Variants in FGD5 observed in about 807,000 individuals in gnomAD.
FGD5 encodes FYVE, RhoGEF and PH domain-containing protein 5.
Under a neutral mutation model 133.4 loss-of-function variants are expected in FGD5, and 28 were observed. That is an observed-to-expected ratio of 0.21 (90% confidence interval 0.16 to 0.29). The LOEUF (loss-of-function observed/expected upper bound fraction) is 0.29, where lower values mean the gene tolerates loss of function less well. Among genes scored for constraint, FGD5 ranks in the 10% least tolerant of loss-of-function variants. FGD5 has a pLI of 1.00. For missense variants in FGD5, 1,858 were observed against 1,895.2 expected, an observed-to-expected ratio of 0.98 and a Z score of 0.36; for synonymous variants, 810 against 776.5, an observed-to-expected ratio of 1.04 and a Z score of -0.72.
chr3:14,860,808 T>TTA (rs1553626006), intron 1 of FGD5, among the ~76,000 whole-genome samples: 1 of 148,202 alleles, frequency 6.7e-6, no homozygotes, highest in Non-Finnish European at 1.5e-5. Context: ...ACCCCTTTTT[T>TTA]AAAAAAAAAA....
intron 11 of FGD5, among the ~76,000 whole-genome samples, chr3:14,916,775 T>A (rs1273208825): frequency 1.3e-5 from 2 of 152,232 alleles, no homozygotes; most frequent in South Asian, 2.1e-4. Flanking sequence ...TAGTTCTGCC[T>A]ATTCTGGAGT....
At chr3:14,927,290 G>T (rs2038821448) in intron 18 of FGD5, among the ~76,000 whole-genome samples, 1 of 152,280 alleles carries the variant, frequency 6.6e-6, no homozygotes, top group South Asian at 2.1e-4. Context: ...AAAACAAACT[G>T]AACAGTTGTC....
upstream of FGD5, among the ~76,000 whole-genome samples, chr3:14,817,848 A>T (rs953794745): frequency 7.9e-5 from 12 of 152,180 alleles, no homozygotes; most frequent in Middle Eastern, 0.01. Flanking sequence ...TGAAGCAGAG[A>T]TGTTGGGATG....
chr3:14,881,851 G>A (rs566243942), intron 4 of FGD5, among the ~76,000 whole-genome samples: 29 of 152,318 alleles, frequency 1.9e-4, no homozygotes, highest in South Asian at 1.7e-3. Flanking sequence ...TTCACTGGGT[G>A]TTCCTGGCTG....
At chr3:14,873,710 C>T (rs1434530473) in intron 2 of FGD5, among the ~76,000 whole-genome samples, 2 of 151,344 alleles carry the variant, frequency 1.3e-5, no homozygotes, top group East Asian at 3.9e-4. Flanking sequence ...GAACGTTTAA[C>T]GTAAGAGCTA....
intron 9 of FGD5, among the ~76,000 whole-genome samples, chr3:14,905,376 C>T (rs2038318804): frequency 6.6e-6 from 1 of 152,012 alleles, no homozygotes; most frequent in Non-Finnish European, 1.5e-5. Context: ...GGATGGGGTG[C>T]TCTTTATCCA....
chr3:14,821,611 A>G lies in FGD5; in HGVS notation c.2525+15A>G, dbSNP rs374673859. Reference sequence around the variant, plus strand: ...GACGCAGAAAGGTACCTGACATTCTATTTCCTTTCTTGTTCGGCAGCTGTA... The same window carrying G: ...GACGCAGAAAGGTACCTGACATTCTGTTTCCTTTCTTGTTCGGCAGCTGTA... On this transcript the variant is annotated intron_variant, in intron 1 of 19. Transcript: ENST00000285046. 232 of 1,556,914 alleles carry G rather than the reference A, an allele frequency of 1.5e-4. 5 individuals are homozygous for G. In the South Asian group the frequency reaches 2.3e-3, roughly 15 times the overall value.
rs867591785 is a variant in FGD5, at chr3:14,934,006, A to G, written c.*839A>G. ...TCACCGCAGGGCCTCTGAAGAGTCAAGGTCTGCTTTAATTTATTGTGTGCC... is the reference window on the plus strand; with the variant it reads ...TCACCGCAGGGCCTCTGAAGAGTCAGGGTCTGCTTTAATTTATTGTGTGCC... On this transcript the variant is annotated 3_prime_UTR_variant, in exon 20 of 20. Coordinates refer to ENST00000285046, the MANE Select transcript of FGD5 (RefSeq NM_152536.4). 2 of 152,270 alleles carry G rather than the reference A, an allele frequency of 1.3e-5. No individual in the cohort carries two copies. The highest frequency in any genetic ancestry group is 2.9e-5 in the Non-Finnish European group (2 of 68,062). The allele number at this position is 152,270 out of a possible 1,614,324, so 9.4% of individuals were successfully genotyped here. A position where few individuals can be genotyped will look rare whatever the true frequency, so the allele number is the denominator to read the frequency against.
At chr3:14,855,570 T>G (rs1422815775) in intron 1 of FGD5, among the ~76,000 whole-genome samples, 2 of 152,218 alleles carry the variant, frequency 1.3e-5, no homozygotes, top group African/African-American at 4.8e-5. Context: ...TGAGATGATA[T>G]CTCATTGTGG....
At chr3:14,912,766 G>A (rs1222390804) in intron 11 of FGD5, among the ~76,000 whole-genome samples, 1 of 152,178 alleles carries the variant, frequency 6.6e-6, no homozygotes, top group African/African-American at 2.4e-5. Context: ...GCCAGGCACG[G>A]TGGCTCTTGC....
intron 4 of FGD5, among the ~76,000 whole-genome samples, chr3:14,892,865 G>A (rs999874647): frequency 2.0e-5 from 3 of 152,094 alleles, no homozygotes; most frequent in Non-Finnish European, 2.9e-5. Flanking sequence ...GTCTAGTAGC[G>A]GGGTGAAATG....
chr3:14,884,996 C>G (rs554297186), intron 4 of FGD5, among the ~76,000 whole-genome samples: 3 of 151,774 alleles, frequency 2.0e-5, no homozygotes, highest in East Asian at 4.0e-4. Flanking sequence ...AACAGCTGAC[C>G]CCTTCTTCCA....
Position 14,922,987 on chromosome 3 carries a change from G to C in FGD5, c.3808-59G>C. ...TTAGCAGAGGGAGCGGAGGGGAGGG[G>C]TGCAGGTCTCCTTTGCATGCACTGA... On this transcript the variant is annotated intron_variant, in intron 15 of 19. Transcript: ENST00000285046. This position sits in a 1 kb window ranked among gnomAD's most constrained non-coding sequence, Gnocchi z 4.1. 4.3e-6 allele frequency: 7 copies of C among 1,609,794 alleles called. No individual in the cohort carries two copies. The highest frequency in any genetic ancestry group is 2.2e-5 in the East Asian group (1 of 44,814).
intron 1 of FGD5, among the ~76,000 whole-genome samples, chr3:14,832,831 C>T (rs1453477745): frequency 6.6e-6 from 1 of 152,086 alleles, no homozygotes; most frequent in Non-Finnish European, 1.5e-5. Context: ...AGAGACTGTC[C>T]ATTTGCCTGG....
At chr3:14,816,835 TG>T (rs1430306401), upstream of FGD5, among the ~76,000 whole-genome samples, 2 of 152,120 alleles carry the variant, frequency 1.3e-5, no homozygotes, top group African/African-American at 4.8e-5. Context: ...TGAAATGGTG[TG>T]GATTAGGGGT....
intron 2 of FGD5, among the ~76,000 whole-genome samples, chr3:14,873,502 G>C (rs1334745071): frequency 6.6e-6 from 1 of 152,172 alleles, no homozygotes; most frequent in Non-Finnish European, 1.5e-5. Flanking sequence ...TTAGCCGGCT[G>C]TTTGAAGTCA....
chr3:14,860,601 T>A (rs1559483483), intron 1 of FGD5, among the ~76,000 whole-genome samples: 3 of 152,134 alleles, frequency 2.0e-5, no homozygotes. Context: ...ATCTGTGAGG[T>A]CTGTGCACCT....
intron 4 of FGD5, among the ~76,000 whole-genome samples, chr3:14,893,242 A>AT (rs1352761555): frequency 6.6e-6 from 1 of 152,190 alleles, no homozygotes; most frequent in Admixed American, 6.5e-5. Flanking sequence ...TGTTTATATA[A>AT]TTTGTAAAGA....
At chr3:14,858,061 C>T (rs1165449948) in intron 1 of FGD5, among the ~76,000 whole-genome samples, 1 of 152,082 alleles carries the variant, frequency 6.6e-6, no homozygotes, top group Non-Finnish European at 1.5e-5. Flanking sequence ...CAGTAAAGTA[C>T]CCAGAGTACA....
Sources: gnomAD v4.1 joint callset for allele counts (sites outside exome capture counted in the v4.1 genomes callset) on GRCh38, gnomAD v4.1.1 for gene constraint, Gnocchi (gnomAD v3.1) non-coding constraint, MANE v1.5 for transcripts, NCBI Gene and HGNC (gene_info 2026-07-23, HGNC 2026-07-21) for gene names.